GRM7: variants seen among roughly 807,000 people sequenced by gnomAD.
GRM7 encodes glutamate metabotropic receptor 7.
Under a neutral mutation model 84.5 loss-of-function variants are expected in GRM7, and 35 were observed. That is an observed-to-expected ratio of 0.41 (90% CI 0.32 to 0.55). GRM7 has a LOEUF of 0.55. Among genes scored for constraint, GRM7 ranks in the 20% least tolerant of loss-of-function variants. GRM7 has a pLI of 0.19. For missense variants in GRM7, 1,003 were observed against 1,194.6 expected (o/e 0.84, Z 2.36); for synonymous variants, 487 against 455.1 (o/e 1.07, Z -0.89).
At chr3:7,087,955 G>C (rs1021727585) in intron 1 of GRM7, among the ~76,000 whole-genome samples, 1 of 152,158 alleles carries the variant, frequency 6.6e-6, no homozygotes, top group African/African-American at 2.4e-5. Flanking sequence ...AAACAAATAA[G>C]TTTAGCAGCC....
chr3:7,317,965 T>C (rs1240883569), intron 4 of GRM7, among the ~76,000 whole-genome samples: 1 of 151,964 alleles, frequency 6.6e-6, no homozygotes, highest in Non-Finnish European at 1.5e-5. Context: ...TGAATGGCAT[T>C]ATTAGAGGAG....
chr3:6,920,656 A>T (rs543210797), intron 1 of GRM7, among the ~76,000 whole-genome samples: 1 of 152,154 alleles, frequency 6.6e-6, no homozygotes, highest in East Asian at 1.9e-4. Context: ...TTTTACTCTC[A>T]TGAGTTGCCC....
At chr3:7,132,244 G>A (rs538654574) in intron 1 of GRM7, among the ~76,000 whole-genome samples, 8 of 152,146 alleles carry the variant, frequency 5.3e-5, no homozygotes, top group South Asian at 2.1e-4. Context: ...CTGGGGGGAA[G>A]GGATTATGGG....
At chr3:7,278,300 A>G (rs565994728) in intron 2 of GRM7, among the ~76,000 whole-genome samples, 36 of 152,162 alleles carry the variant, frequency 2.4e-4, no homozygotes, top group Admixed American at 2.2e-3. Context: ...TATCATTGTT[A>G]AATTGAATCT....
intron 2 of GRM7, among the ~76,000 whole-genome samples, chr3:7,224,730 G>T (rs750433234): frequency 7.2e-5 from 11 of 152,148 alleles, no homozygotes; most frequent in Non-Finnish European, 1.0e-4. Flanking sequence ...AAATTATGGA[G>T]AACCGTTCTG....
At chr3:7,576,663 C>G (rs114706683) in intron 7 of GRM7, among the ~76,000 whole-genome samples, 2,585 of 152,224 alleles carry the variant, frequency 0.017, 64 homozygotes, top group African/African-American at 0.059. Context: ...TTTCCAGTAT[C>G]TTTCTAATCT....
intron 1 of GRM7, among the ~76,000 whole-genome samples, chr3:7,035,593 G>A (rs904760149): frequency 3.9e-5 from 6 of 152,186 alleles, no homozygotes; most frequent in Admixed American, 2.0e-4. Flanking sequence ...CCATAATAAT[G>A]ATCTGCCTTC....
At chr3:7,003,941 T>C (rs1208127272) in intron 1 of GRM7, among the ~76,000 whole-genome samples, 1 of 152,140 alleles carries the variant, frequency 6.6e-6, no homozygotes, top group East Asian at 1.9e-4. Context: ...CTCTACTTCC[T>C]ACATGATGCA....
intron 1 of GRM7, among the ~76,000 whole-genome samples, chr3:7,029,919 A>G (rs947641001): frequency 6.6e-6 from 1 of 152,220 alleles, no homozygotes; most frequent in African/African-American, 2.4e-5. Context: ...ATAATATCTA[A>G]GCATTCATTC....
intron 1 of GRM7, among the ~76,000 whole-genome samples, chr3:7,126,551 C>T (rs533913842): frequency 2.7e-3 from 414 of 152,270 alleles, no homozygotes; most frequent in Non-Finnish European, 4.5e-3. Flanking sequence ...TTTTGCTTCT[C>T]ATTTTGTTGT....
chr3:6,984,453 A>G (rs755833726), intron 1 of GRM7, among the ~76,000 whole-genome samples: 3 of 152,232 alleles, frequency 2.0e-5, no homozygotes, highest in Non-Finnish European at 4.4e-5. Context: ...CGTAGACTTT[A>G]TTCCATCAAT....
At chr3:7,471,528 G>T (rs1250719604) in intron 7 of GRM7, among the ~76,000 whole-genome samples, 1 of 152,148 alleles carries the variant, frequency 6.6e-6, no homozygotes, top group African/African-American at 2.4e-5. Context: ...GGCAGGTCAA[G>T]TTCCTCTGAG....
intron 1 of GRM7, among the ~76,000 whole-genome samples, chr3:7,045,295 A>G (rs1364943859): frequency 6.6e-6 from 1 of 152,186 alleles, no homozygotes; most frequent in East Asian, 1.9e-4. Flanking sequence ...GCATTTTATA[A>G]GACCTGTTGC....
intron 7 of GRM7, among the ~76,000 whole-genome samples, chr3:7,531,688 T>G (rs1309621382): frequency 1.3e-5 from 2 of 152,242 alleles, no homozygotes; most frequent in African/African-American, 4.8e-5. Flanking sequence ...GCTTATCAGC[T>G]TAAGTCAATT....
chr3:7,415,137 A>G lies in GRM7; in HGVS notation c.1148A>G (p.Lys383Arg), dbSNP rs761046784. The change falls in exon 5 of 10, where the codon AAA becomes AGA. Residue 383 changes from lysine to arginine, a missense_variant. By Grantham distance (26) the Lys-to-Arg change is conservative. Coordinates refer to ENST00000357716, the MANE Select transcript of GRM7 (RefSeq NM_000844.4). ...AAGTTGACGATTAGTGGGTCAAAAAAAGAAGACACAGATCGCAAATGCACA... is the reference window on the plus strand; with the variant it reads ...AAGTTGACGATTAGTGGGTCAAAAAGAGAAGACACAGATCGCAAATGCACA... The part of the protein sequence containing the change: ...NCKLTISGSK[K>R]EDTDRKCTGQ... The G allele has an allele frequency of 6.2e-7, 1 of 1,613,278 alleles. No individual in the cohort carries two copies. Among genetic ancestry groups the G allele is most frequent in the South Asian group, 1.1e-5 (1 of 91,068 alleles).
At chr3:7,553,479 T>C (rs1173888463) in intron 7 of GRM7, among the ~76,000 whole-genome samples, 3 of 152,328 alleles carry the variant, frequency 2.0e-5, no homozygotes, top group Middle Eastern at 3.4e-3. Context: ...TATTAGTTCA[T>C]TTTCATATGG....
intron 1 of GRM7, among the ~76,000 whole-genome samples, chr3:6,961,366 C>A (rs966132678): frequency 2.0e-5 from 3 of 152,258 alleles, no homozygotes; most frequent in African/African-American, 7.2e-5. Flanking sequence ...CTTGCTCATA[C>A]CTTCAACTCC....
At chr3:7,415,190 C>T in intron 5 of GRM7, 27 bp downstream of exon 5, 1 of 1,599,948 alleles carries the variant, frequency 6.3e-7, no homozygotes, top group Non-Finnish European at 8.6e-7. Flanking sequence ...TGTCCTTCTC[C>T]TATTACTCTA....
chr3:7,610,964 T>G (rs1048276119), intron 8 of GRM7, among the ~76,000 whole-genome samples: 2 of 152,192 alleles, frequency 1.3e-5, no homozygotes, highest in Non-Finnish European at 2.9e-5. Context: ...TTTGGTTCCC[T>G]AGGCATAGCT....
Sources: gnomAD v4.1 joint callset for allele counts (sites outside exome capture counted in the v4.1 genomes callset) on GRCh38, gnomAD v4.1.1 for gene constraint, MANE v1.5 for transcripts, NCBI Gene and HGNC (gene_info 2026-07-23, HGNC 2026-07-21) for gene names.